Variants in CR1L observed in about 807,000 individuals in gnomAD.
CR1L encodes complement component receptor 1-like protein.
A neutral mutation model predicts 62.3 loss-of-function variants in CR1L; 59 were observed. The ratio of observed to expected loss-of-function variants is 0.95; its 90% CI spans 0.77 to 1.18. The LOEUF (loss-of-function observed/expected upper bound fraction) is 1.18. Ranked by LOEUF, CR1L falls within the 50% of genes most tolerant of loss-of-function variation. The probability of loss-of-function intolerance (pLI) is 0.00; values close to 1 mark genes in which losing one functional copy is unlikely to be tolerated. For missense variants in CR1L, 700 were observed against 702.8 expected (o/e 1.00, Z 0.04); for synonymous variants, 279 against 248.7 (o/e 1.12, Z -1.15).
intron 1 of CR1L, among the ~76,000 whole-genome samples, chr1:207,646,710 C>CAAAAAAA (rs34443417): frequency 9.3e-5 from 6 of 64,716 alleles, no homozygotes; most frequent in East Asian, 5.1e-4. Context: ...GACCCTGTCT[C>CAAAAAAA]AAAAAAAAAA....
chr1:207,707,485 G>A (rs1210056380), intron 9 of CR1L, among the ~76,000 whole-genome samples: 1 of 152,066 alleles, frequency 6.6e-6, no homozygotes, highest in Non-Finnish European at 1.5e-5. Flanking sequence ...AAAATTAGCT[G>A]GGCATGTTGG....
At chr1:207,701,657 G>A (rs1215504662) in intron 9 of CR1L, 39 bp downstream of exon 9, 1 of 1,612,438 alleles carries the variant, frequency 6.2e-7, no homozygotes, top group African/African-American at 1.3e-5. Context: ...CAGAGTTCCA[G>A]CACAGCAATA....
At chr1:207,705,198 C>A (rs1403951968) in intron 9 of CR1L, among the ~76,000 whole-genome samples, 1 of 152,206 alleles carries the variant, frequency 6.6e-6, no homozygotes, top group Non-Finnish European at 1.5e-5. Flanking sequence ...CCAAAGTTTT[C>A]TCTTTTTATA....
intron 1 of CR1L, among the ~76,000 whole-genome samples, chr1:207,649,093 G>T (rs182371876): frequency 6.6e-6 from 1 of 152,158 alleles, no homozygotes; most frequent in Non-Finnish European, 1.5e-5. Context: ...ATCCATGCAG[G>T]GGAGAGTCCA....
chr1:207,712,277 C>G (rs950152397), intron 10 of CR1L, among the ~76,000 whole-genome samples: 2 of 152,198 alleles, frequency 1.3e-5, no homozygotes, highest in African/African-American at 4.8e-5. Flanking sequence ...AATGATGGTA[C>G]AAATACCTCC....
At chr1:207,715,397 C>T (rs1184797628) in intron 10 of CR1L, 12 of 1,568,026 alleles carry the variant, frequency 7.7e-6, no homozygotes, top group East Asian at 2.3e-5. Flanking sequence ...AGTGTGTGAA[C>T]GTGAGTAGAA....
chr1:207,710,334 C>T (rs2102478926), intron 10 of CR1L: 2 of 1,149,966 alleles, frequency 1.7e-6, no homozygotes, highest in East Asian at 2.4e-5. Flanking sequence ...CAGAGCAAGA[C>T]TCTGTCCCAA....
intron 1 of CR1L, among the ~76,000 whole-genome samples, chr1:207,674,949 C>T (rs1571512717): frequency 6.6e-6 from 1 of 152,040 alleles, no homozygotes; most frequent in Non-Finnish European, 1.5e-5. Flanking sequence ...GACTCCTGGG[C>T]TCTAACCCAG....
intron 3 of CR1L, among the ~76,000 whole-genome samples, chr1:207,681,239 A>C (rs1328202873): frequency 1.3e-5 from 2 of 152,208 alleles, no homozygotes; most frequent in African/African-American, 4.8e-5. Flanking sequence ...CCAAAAGTCT[A>C]GACATGTTCA....
intron 9 of CR1L, among the ~76,000 whole-genome samples, chr1:207,702,448 T>C (rs1664207878): frequency 6.6e-6 from 1 of 152,216 alleles, no homozygotes; most frequent in Non-Finnish European, 1.5e-5. Context: ...GGAGGAGTCA[T>C]GCATCTCTTA....
chr1:207,666,504 T>A (rs1018826875), intron 1 of CR1L, among the ~76,000 whole-genome samples: 1 of 152,172 alleles, frequency 6.6e-6, no homozygotes, highest in South Asian at 2.1e-4. Context: ...ATATCCACCA[T>A]GGAATACTAT....
Position 207,710,248 on chromosome 1 carries a change from G to A in CR1L, c.1414+1985G>A, listed in dbSNP as rs12082406. ...AATCCCAGCTACTCGGGAGGTTGAG[G>A]GGGGAGGATTGCTTGACCTGGGAAG... On this transcript the variant is annotated intron_variant, in intron 10 of 11. Transcript: ENST00000508064. 3.1e-3 allele frequency: 1,879 copies of A among 607,242 alleles called. 34 individuals are homozygous for A. Among genetic ancestry groups the A allele is most frequent in the African/African-American group, 0.031 (1,671 of 54,106 alleles). 37.6% of individuals were successfully genotyped at this position (607,242 alleles called of 1,614,324 possible). A position where few individuals can be genotyped will look rare whatever the true frequency, so the allele number is the denominator to read the frequency against.
At chr1:207,703,305 A>T (rs1470770181) in intron 9 of CR1L, among the ~76,000 whole-genome samples, 1 of 152,194 alleles carries the variant, frequency 6.6e-6, no homozygotes, top group Non-Finnish European at 1.5e-5. Flanking sequence ...TTTAGGAGCT[A>T]ATCTCGTTGG....
chr1:207,717,561 T>C lies in CR1L; in HGVS notation c.1512T>C (p.Cys504=), dbSNP rs749551303. The change falls in exon 11 of 12, where the codon TGT becomes TGC. Residue 504 remains cysteine, a synonymous_variant. Coordinates refer to ENST00000508064, the MANE Select transcript of CR1L (RefSeq NM_175710.2). The part of the protein sequence containing the change: ...IPYGKEVSYT[C]DPHPDRGMTF... ...ATGGAAAAGAAGTATCTTACACATG[T>C]GACCCCCACCCAGACAGAGGGATGA... The C allele has an allele frequency of 4.5e-5, 73 of 1,613,744 alleles. No homozygotes were observed. The African/African-American group carries it at 6.5e-4, about 14-fold the overall frequency.
At chr1:207,684,067 C>G in intron 4 of CR1L, 110 bp downstream of exon 4, 1 of 962,530 alleles carries the variant, frequency 1.0e-6, no homozygotes, top group East Asian at 2.7e-5. Flanking sequence ...CTTCACATGG[C>G]TGAAGACAGC....
intron 10 of CR1L, among the ~76,000 whole-genome samples, chr1:207,708,692 A>G (rs1664308106): frequency 6.6e-6 from 1 of 152,242 alleles, no homozygotes; most frequent in Middle Eastern, 3.2e-3. Flanking sequence ...GGATCATGCC[A>G]TCTTCCCTGT....
chr1:207,650,880 G>A (rs888732164), intron 1 of CR1L, among the ~76,000 whole-genome samples: 1 of 151,914 alleles, frequency 6.6e-6, no homozygotes, highest in Non-Finnish European at 1.5e-5. Context: ...CTGCCACCTG[G>A]GTTCAAGCAA....
At chr1:207,663,650 C>T (rs1427185865) in intron 1 of CR1L, among the ~76,000 whole-genome samples, 3 of 152,236 alleles carry the variant, frequency 2.0e-5, no homozygotes, top group African/African-American at 7.2e-5. Context: ...ACCCACTGTC[C>T]TGCACTCCCC....
rs1483290831 is a variant in CR1L at position 207,657,157 on chromosome 1, T to C, written c.97+11827T>C. ...GCACATGACCTCCAAAAATAAAAAA[T>C]GGAAAACACACCTTTAGTGAAGTAG... On this transcript the variant is annotated intron_variant, in intron 1 of 11. Coordinates refer to ENST00000508064, the MANE Select transcript of CR1L (RefSeq NM_175710.2). 50 of 906,502 alleles carry C rather than the reference T, an allele frequency of 5.5e-5. No individual in the cohort carries two copies. In the Admixed American group the frequency reaches 6.6e-4, roughly 12 times the overall value. The allele number at this position is 906,502 out of a possible 1,614,324, so 56.2% of individuals were successfully genotyped here. A position where few individuals can be genotyped will look rare whatever the true frequency, so the allele number is the denominator to read the frequency against.
Sources: gnomAD v4.1 joint callset for allele counts (sites outside exome capture counted in the v4.1 genomes callset) on GRCh38, gnomAD v4.1.1 for gene constraint, MANE v1.5 for transcripts, NCBI Gene and HGNC (gene_info 2026-07-23, HGNC 2026-07-21) for gene names.